Variants in MAST4 observed in about 807,000 individuals in gnomAD.
The protein encoded by MAST4 is microtubule associated serine/threonine kinase family member 4.
MAST4 carries 89 observed loss-of-function variants against 162.7 expected under a neutral mutation model. That is an observed-to-expected ratio of 0.55 (90% CI 0.46 to 0.65). MAST4 has a LOEUF of 0.65. Ranked by LOEUF, MAST4 falls within the 30% of genes least tolerant of loss-of-function variation. The pLI, the probability that MAST4 is intolerant of heterozygous loss-of-function variation, is 0.00. For missense variants in MAST4, 3,153 were observed against 3,374.0 expected, an observed-to-expected ratio of 0.93 and a Z score of 1.62; for synonymous variants, 1,479 against 1,361.1, an observed-to-expected ratio of 1.09 and a Z score of -1.91.
intron 4 of MAST4, among the ~76,000 whole-genome samples, chr5:66,914,374 A>T (rs756159326): frequency 5.3e-5 from 8 of 152,242 alleles, no homozygotes; most frequent in Non-Finnish European, 1.2e-4. Flanking sequence ...ATGAGTGATC[A>T]TAAATGAGCA....
At chr5:66,687,591 T>C (rs895356975) in intron 1 of MAST4, among the ~76,000 whole-genome samples, 20 of 151,140 alleles carry the variant, frequency 1.3e-4, no homozygotes, top group African/African-American at 4.6e-4. Flanking sequence ...TGTATATATA[T>C]ACATACATAT....
At chr5:66,844,821 T>A (rs535116919) in intron 3 of MAST4, among the ~76,000 whole-genome samples, 2 of 152,002 alleles carry the variant, frequency 1.3e-5, no homozygotes, top group African/African-American at 4.8e-5. Context: ...AGTGGTTGAG[T>A]TTGGCGGTGA....
intron 1 of MAST4, among the ~76,000 whole-genome samples, chr5:66,629,660 G>T (rs934829368): frequency 1.3e-5 from 2 of 152,174 alleles, no homozygotes; most frequent in Non-Finnish European, 2.9e-5. Context: ...CTGAGATATT[G>T]TCAGACCACA....
intron 3 of MAST4, among the ~76,000 whole-genome samples, chr5:66,805,129 T>C (rs1756123043): frequency 6.6e-6 from 1 of 152,230 alleles, no homozygotes. Context: ...TAATATTTAG[T>C]GTTTAACCTG....
chr5:66,716,175 G>A (rs1233836037), intron 1 of MAST4, among the ~76,000 whole-genome samples: 1 of 152,014 alleles, frequency 6.6e-6, no homozygotes, highest in Non-Finnish European at 1.5e-5. Flanking sequence ...AGCGTAAAAG[G>A]GAAGGTTGTT....
intron 5 of MAST4, among the ~76,000 whole-genome samples, chr5:67,078,684 TTATATTTA>T (rs1489510862): frequency 7.3e-6 from 1 of 136,524 alleles, no homozygotes; most frequent in African/African-American, 2.9e-5. Flanking sequence ...TTATATTTAT[TTATATTTA>T]TATATTTATA....
intron 10 of MAST4, among the ~76,000 whole-genome samples, chr5:67,109,494 GAA>G (rs1002100057): frequency 1.3e-5 from 2 of 151,398 alleles, no homozygotes; most frequent in Admixed American, 6.6e-5. Flanking sequence ...TCTAAAATTT[GAA>G]AAAAAATCCA....
intron 1 of MAST4, among the ~76,000 whole-genome samples, chr5:66,707,061 C>G (rs1289611762): frequency 6.6e-6 from 1 of 152,082 alleles, no homozygotes; most frequent in Non-Finnish European, 1.5e-5. Flanking sequence ...GGGGCTCTGT[C>G]TTCTGTCCCT....
chr5:66,856,454 A>G (rs868605811), intron 3 of MAST4, among the ~76,000 whole-genome samples: 2 of 152,238 alleles, frequency 1.3e-5, no homozygotes. Flanking sequence ...ATCCTTTTGT[A>G]TAGTAGTTAC....
chr5:66,959,568 T>G (rs1223825932), intron 4 of MAST4, among the ~76,000 whole-genome samples: 1 of 152,238 alleles, frequency 6.6e-6, no homozygotes, highest in African/African-American at 2.4e-5. Context: ...TGTGAAAGAA[T>G]GTATCAGTAG....
At chr5:66,889,017 C>G (rs188031833) in intron 3 of MAST4, among the ~76,000 whole-genome samples, 1 of 152,176 alleles carries the variant, frequency 6.6e-6, no homozygotes, top group Non-Finnish European at 1.5e-5. Context: ...TAAAAGGTGT[C>G]TTATATCCAC....
At chr5:66,814,524 G>A (rs796721257) in intron 3 of MAST4, among the ~76,000 whole-genome samples, 29 of 152,264 alleles carry the variant, frequency 1.9e-4, no homozygotes, top group African/African-American at 6.7e-4. Context: ...CTCATTAGAT[G>A]ATCCTCTGAA....
intron 4 of MAST4, among the ~76,000 whole-genome samples, chr5:66,957,955 G>A (rs917340055): frequency 6.6e-6 from 1 of 152,230 alleles, no homozygotes; most frequent in Non-Finnish European, 1.5e-5. Flanking sequence ...TCTGGGATAA[G>A]AGTAAATTTA....
At chr5:67,128,451 AC>A (rs70987154) in intron 14 of MAST4, among the ~76,000 whole-genome samples, 16,262 of 152,222 alleles carry the variant, frequency 0.11, 1,053 homozygotes, top group Middle Eastern at 0.17. Flanking sequence ...GAACTAGAAA[AC>A]CAAAGAAATG....
At chr5:66,874,050 A>G (rs1413329410) in intron 3 of MAST4, among the ~76,000 whole-genome samples, 1 of 152,140 alleles carries the variant, frequency 6.6e-6, no homozygotes, top group African/African-American at 2.4e-5. Context: ...ATAGAAAAAC[A>G]AGCTTTTAAA....
intron 12 of MAST4, among the ~76,000 whole-genome samples, chr5:67,117,045 GAT>G (rs1329109923): frequency 6.6e-6 from 1 of 152,154 alleles, no homozygotes; most frequent in Non-Finnish European, 1.5e-5. Flanking sequence ...ATAAAAATGA[GAT>G]AATAATAGTA....
At chr5:67,064,545 T>C (rs1441713961) in intron 5 of MAST4, among the ~76,000 whole-genome samples, 3 of 152,234 alleles carry the variant, frequency 2.0e-5, no homozygotes, top group African/African-American at 4.8e-5. Context: ...ACATCATACA[T>C]TATCTTAATT....
intron 21 of MAST4, 70 bp downstream of exon 21, chr5:67,142,603 C>T (rs74488898): frequency 1.0e-4 from 106 of 1,032,886 alleles, no homozygotes; most frequent in African/African-American, 9.8e-4. Context: ...ATAGTATCCC[C>T]GAACAGCTGG....
At chr5:66,878,540 T>C (rs1019395814) in intron 3 of MAST4, among the ~76,000 whole-genome samples, 12 of 152,268 alleles carry the variant, frequency 7.9e-5, no homozygotes, top group African/African-American at 2.9e-4. Flanking sequence ...TTTGCCATCA[T>C]AGCCTAGTCC....
Sources: gnomAD v4.1 joint callset for allele counts (sites outside exome capture counted in the v4.1 genomes callset) on GRCh38, gnomAD v4.1.1 for gene constraint, MANE v1.5 for transcripts, NCBI Gene and HGNC (gene_info 2026-07-23, HGNC 2026-07-21) for gene names.